The following ADH1C variants were observed in gnomAD, a reference collection of about 807,000 sequenced individuals.
ADH1C encodes alcohol dehydrogenase 1C (class I), gamma polypeptide, also known as alcohol dehydrogenase 1C.
Under a neutral mutation model 35.0 loss-of-function variants are expected in ADH1C, and 26 were observed. The observed-to-expected ratio is 0.74, with a 90% CI of 0.54 to 1.03. ADH1C has a LOEUF of 1.03. Among genes scored for constraint, ADH1C ranks in the 50% least tolerant of loss-of-function variants. ADH1C has a pLI of 0.00. For synonymous variants in ADH1C, 170 were observed against 169.3 expected, an observed-to-expected ratio of 1.00 and a Z score of -0.03; for missense variants, 413 against 465.4, an observed-to-expected ratio of 0.89 and a Z score of 1.04.
At chr4:99,346,881 AAGTCCCAGCTTCCCTGTG>A (rs1192321465) in intron 3 of ADH1C, 107 bp downstream of exon 3, 1 of 1,473,496 alleles carries the variant, frequency 6.8e-7, no homozygotes, top group African/African-American at 1.4e-5. Flanking sequence ...GAAACCCCTG[AAGTCCCAGCTTCCCTGTG>A]ACCTTGTGCA....
chr4:99,351,593 T>C (rs1734680802), intron 1 of ADH1C, among the ~76,000 whole-genome samples: 1 of 152,216 alleles, frequency 6.6e-6, no homozygotes, highest in Non-Finnish European at 1.5e-5. Context: ...TAAATATTAA[T>C]CAATAATGAA....
rs577668832 is a variant in ADH1C, at chr4:99,344,898, A to C, written c.531T>G (p.Phe177Leu). 2 of 1,614,210 alleles carry C rather than the reference A, an allele frequency of 1.2e-6. No homozygotes were observed. The highest frequency in any genetic ancestry group is 4.5e-5 in the East Asian group (2 of 44,882). ...LEKVCLIGCG[F>L]STGYGSAVKV... ...TGACTGCAGACCCATAACCAGTCGA[A>C]AATCCACAGCCAATGAGGCAGACTT... Residue 177 changes from phenylalanine (F) to leucine (L), a missense_variant, in exon 5 of 9, where the codon TTT becomes TTG. Coordinates refer to ENST00000515683, the MANE Select transcript of ADH1C (RefSeq NM_000669.5).
At chr4:99,344,809 T>C in intron 5 of ADH1C, 53 bp downstream of exon 5, 2 of 1,602,008 alleles carry the variant, frequency 1.2e-6, no homozygotes, top group Non-Finnish European at 1.7e-6. Context: ...GCTTCCCTTT[T>C]GGTTCCTGAC....
rs1734325858 is a variant in ADH1C, at chr4:99,338,393, T to TA, written c.1103+1183_1103+1184insT. ...TAATTAACCTTTGATGAATACTGTT[T>TA]TCTATATATATATATATATATATAT... On this transcript the variant is annotated intron_variant, in intron 8 of 8. Coordinates refer to ENST00000515683, the MANE Select transcript of ADH1C (RefSeq NM_000669.5). Among the ~76,000 whole-genome samples the TA allele has an allele frequency of 1.5e-3, 109 of 73,090 alleles. 23 individuals are homozygous for TA. In the East Asian group the frequency reaches 0.037, roughly 25 times the overall value. The allele number at this position is 73,090 out of a possible 152,430, so 47.9% of individuals were successfully genotyped here.
rs768904453 is a variant in ADH1C at position 99,342,894 on chromosome 4, G to T, written c.729C>A (p.Asn243Lys). Residue 243 changes from asparagine (N) to lysine (K), a missense_variant, in exon 6 of 9, where the codon AAC (asparagine) becomes AAA (lysine). By Grantham distance (94) the Asn-to-Lys change is moderately conservative. Transcript: ENST00000515683. ...AKELGATECI[N>K]PQDYKKPIQE... ...GAATGGGTTTCTTGTAGTCTTGAGGGTTGATGCATTCAGTGGCACCCAACT... is the reference window on the plus strand; with the variant it reads ...GAATGGGTTTCTTGTAGTCTTGAGGTTTGATGCATTCAGTGGCACCCAACT... 8.8e-5 allele frequency: 142 copies of T among 1,613,898 alleles called. No individual in the cohort carries two copies. The highest frequency in any genetic ancestry group is 1.2e-4 in the Non-Finnish European group (140 of 1,179,992).
Position 99,342,938 on chromosome 4 carries a change from T to G in ADH1C, c.685A>C (p.Lys229Gln). ...RIIAVDINKD[K>Q]FAKAKELGAT... Reference sequence around the variant, plus strand: ...CCCAACTCTTTAGCCTTTGCAAATTTGTCCTTGTTGATGTCCACAGCAATG... The same window carrying G: ...CCCAACTCTTTAGCCTTTGCAAATTGGTCCTTGTTGATGTCCACAGCAATG... The change falls in exon 6 of 9, where the codon AAA becomes CAA. Residue 229 changes from lysine (K) to glutamine (Q), a missense_variant. Lys to Gln is a moderately conservative substitution (Grantham distance 53). Transcript: ENST00000515683. 1 of 1,614,194 alleles carries G rather than the reference T, an allele frequency of 6.2e-7. No homozygotes were observed. The highest frequency in any genetic ancestry group is 8.5e-7 in the Non-Finnish European group (1 of 1,180,024).
At chr4:99,350,113 A>G (rs1363065374) in intron 1 of ADH1C, among the ~76,000 whole-genome samples, 1 of 152,192 alleles carries the variant, frequency 6.6e-6, no homozygotes, top group African/African-American at 2.4e-5. Flanking sequence ...TCAACTTTGC[A>G]GGATTTTCAA....
In ADH1C at chr4:99,339,714, G is replaced by A. The variant is rs1225012346; in HGVS notation, c.966C>T (p.Gly322=). Reference sequence around the variant, plus strand: ...TGGGGACAGATTCTTTACTCTTAAAGCCTGAAAAGAAGAAAATATCATTGA... The same window carrying A: ...TGGGGACAGATTCTTTACTCTTAAAACCTGAAAAGAAGAAAATATCATTGA... ...GRTWKGAIFG[G]FKSKESVPKL... The change falls in exon 8 of 9, where the codon GGC becomes GGT. Residue 322 remains glycine, a splice_region_variant and synonymous_variant. Coordinates refer to ENST00000515683, the MANE Select transcript of ADH1C (RefSeq NM_000669.5). The A allele has an allele frequency of 7.5e-6, 12 of 1,603,542 alleles. No homozygotes were observed. In the South Asian group the frequency reaches 1.2e-4, roughly 17 times the overall value.
At chr4:99,346,892 T>G (rs1693431) in intron 3 of ADH1C, 114 bp downstream of exon 3, 574,101 of 1,500,972 alleles carry the variant, frequency 0.38, 117,181 homozygotes, top group Non-Finnish European at 0.41. Flanking sequence ...AGTCCCAGCT[T>G]CCCTGTGACC....
chr4:99,340,731 A>G, intron 6 of ADH1C, 21 bp from the exon 7 acceptor site: 1 of 1,612,152 alleles, frequency 6.2e-7, no homozygotes, highest in Non-Finnish European at 8.5e-7. Context: ...GTGAACATTT[A>G]GTATCCTTAA....
rs749054164 is a variant in ADH1C, at chr4:99,336,787, A to C, written c.1104-11T>G. 6 of 1,613,612 alleles carry C rather than the reference A, an allele frequency of 3.7e-6. No homozygotes were observed. In the Admixed American group the frequency reaches 1.0e-4, roughly 27 times the overall value. The stretch of plus-strand genomic sequence containing the variant: ...AGGACGGTACGGATACTGCAATAGG[A>C]AAGAAGAGACATTGTGTTAACATTT... On this transcript the variant is annotated splice_polypyrimidine_tract_variant and intron_variant, in intron 8 of 8. Transcript: ENST00000515683.
chr4:99,339,486 C>T (rs1036596802), intron 8 of ADH1C, 91 bp downstream of exon 8: 2 of 1,256,766 alleles, frequency 1.6e-6, no homozygotes, highest in Non-Finnish European at 2.1e-6. Flanking sequence ...CTCATCCTTC[C>T]ACCTTTTCAT....
rs759235107 is a variant in ADH1C, at chr4:99,342,934, A to T, written c.689T>A (p.Phe230Tyr). Reference sequence around the variant, plus strand: ...GGCACCCAACTCTTTAGCCTTTGCAAATTTGTCCTTGTTGATGTCCACAGC... The same window carrying T: ...GGCACCCAACTCTTTAGCCTTTGCATATTTGTCCTTGTTGATGTCCACAGC... ...IIAVDINKDK[F>Y]AKAKELGATE... is the part of the protein sequence containing the mutation. The change falls in exon 6 of 9, where the codon TTT (phenylalanine) becomes TAT (tyrosine). Residue 230 changes from phenylalanine (F) to tyrosine (Y), a missense_variant. Phe to Tyr is a conservative substitution (Grantham distance 22). Coordinates refer to ENST00000515683, the MANE Select transcript of ADH1C (RefSeq NM_000669.5). 9 of 1,614,142 alleles carry T rather than the reference A, an allele frequency of 5.6e-6. No homozygotes were observed. Among genetic ancestry groups the T allele is most frequent in the Non-Finnish European group, 7.6e-6 (9 of 1,180,014 alleles).
chr4:99,345,363 T>C (rs950733394), intron 3 of ADH1C, 97 bp from the exon 4 acceptor site: 1 of 1,263,610 alleles, frequency 7.9e-7, no homozygotes, highest in African/African-American at 1.5e-5. Flanking sequence ...ATTATGTGTC[T>C]GAAAAGTTTC....
rs1452152622 is a variant in ADH1C at position 99,345,161 on chromosome 4, A to C, written c.347+18T>G. On this transcript the variant is annotated intron_variant, in intron 4 of 8. Coordinates refer to ENST00000515683, the MANE Select transcript of ADH1C (RefSeq NM_000669.5). The stretch of plus-strand genomic sequence containing the variant: ...GTGCAAACTCAAAGTCTGTGCAAAG[A>C]AAGCATCAGAAACTTACTCATTTTT... 6 of 1,613,642 alleles carry C rather than the reference A, an allele frequency of 3.7e-6. No individual in the cohort carries two copies. Among genetic ancestry groups the C allele is most frequent in the African/African-American group, 1.3e-5 (1 of 74,944 alleles).
At chr4:99,348,100 CTTT>C (rs1734584465) in intron 1 of ADH1C, among the ~76,000 whole-genome samples, 1 of 131,198 alleles carries the variant, frequency 7.6e-6, no homozygotes, top group Non-Finnish European at 1.8e-5. Context: ...TTAGGTTATT[CTTT>C]TTTATTTTAT....
At chr4:99,344,808 T>G in intron 5 of ADH1C, 54 bp downstream of exon 5, 3 of 1,602,012 alleles carry the variant, frequency 1.9e-6, no homozygotes, top group Non-Finnish European at 2.6e-6. Context: ...TGCTTCCCTT[T>G]TGGTTCCTGA....
intron 1 of ADH1C, among the ~76,000 whole-genome samples, chr4:99,350,809 TA>T (rs1161786056): frequency 6.6e-6 from 1 of 152,220 alleles, no homozygotes; most frequent in Non-Finnish European, 1.5e-5. Context: ...AGTGATTGAA[TA>T]ATTTTCCTGA....
At chr4:99,349,769 TAC>T (rs1317516804) in intron 1 of ADH1C, among the ~76,000 whole-genome samples, 1 of 152,064 alleles carries the variant, frequency 6.6e-6, no homozygotes, top group Non-Finnish European at 1.5e-5. Context: ...AGCCCAAAAT[TAC>T]AGAGGTTAGA....
Sources: gnomAD v4.1 joint callset for allele counts (sites outside exome capture counted in the v4.1 genomes callset) on GRCh38, gnomAD v4.1.1 for gene constraint, MANE v1.5 for transcripts, NCBI Gene and HGNC (gene_info 2026-07-23, HGNC 2026-07-21) for gene names.